HAAO: variants seen among roughly 807,000 people sequenced by gnomAD.
The protein encoded by HAAO is 3-hydroxyanthranilate oxygenase.
HAAO carries 49 observed loss-of-function variants against 46.2 expected under a neutral mutation model. That is an observed-to-expected ratio of 1.06 (90% CI 0.84 to 1.34). HAAO has a LOEUF of 1.34. HAAO is among the 40% of genes most tolerant of loss of function. The pLI is 0.00. For missense variants in HAAO, 408 were observed against 364.5 expected (o/e 1.12, Z -0.97); for synonymous variants, 157 against 145.2 (o/e 1.08, Z -0.58).
intron 1 of HAAO, among the ~76,000 whole-genome samples, chr2:42,791,117 G>C (rs1266324776): frequency 6.6e-6 from 1 of 152,198 alleles, no homozygotes; most frequent in Non-Finnish European, 1.5e-5. Context: ...TTGAGATGTA[G>C]TTAGGTTAGG....
chr2:42,784,177 C>A (rs1333804123), intron 2 of HAAO, among the ~76,000 whole-genome samples: 1 of 152,206 alleles, frequency 6.6e-6, no homozygotes, highest in African/African-American at 2.4e-5. Flanking sequence ...ACCCAGCAGT[C>A]AGGTAGGGAA....
At chr2:42,774,321 T>G (rs1671377210) in intron 4 of HAAO, among the ~76,000 whole-genome samples, 1 of 152,226 alleles carries the variant, frequency 6.6e-6, no homozygotes, top group Non-Finnish European at 1.5e-5. Context: ...GAGGTGCCCC[T>G]GACCTTAGAC....
chr2:42,767,700 T>C, intron 8 of HAAO, 23 bp from the exon 9 acceptor site: 1 of 1,567,710 alleles, frequency 6.4e-7, no homozygotes, highest in Non-Finnish European at 8.7e-7. Flanking sequence ...AGCAGGAGAA[T>C]CAAATGGAGA....
chr2:42,773,825 C>G (rs1158488092), intron 4 of HAAO, among the ~76,000 whole-genome samples: 2 of 152,124 alleles, frequency 1.3e-5, no homozygotes, highest in African/African-American at 4.8e-5. Flanking sequence ...CTCCTGACCT[C>G]GTGATCCACC....
intron 1 of HAAO, among the ~76,000 whole-genome samples, chr2:42,790,095 A>C (rs1464476090): frequency 6.6e-6 from 1 of 152,104 alleles, no homozygotes; most frequent in African/African-American, 2.4e-5. Context: ...TGAGCCCCCA[A>C]ACTAGACTGG....
intron 1 of HAAO, among the ~76,000 whole-genome samples, 168 bp from the exon 2 acceptor site, chr2:42,788,775 G>T (rs188496838): frequency 1.3e-5 from 2 of 152,182 alleles, no homozygotes; most frequent in African/African-American, 4.8e-5. Flanking sequence ...TCATGCCTGC[G>T]TGCATCTAAG....
At chr2:42,774,257 C>G (rs1179269343) in intron 4 of HAAO, among the ~76,000 whole-genome samples, 3 of 152,200 alleles carry the variant, frequency 2.0e-5, no homozygotes, top group Non-Finnish European at 4.4e-5. Context: ...TAACTGAGAC[C>G]TGTCTCAAAT....
At chr2:42,778,566 G>C (rs1467895339) in intron 4 of HAAO, among the ~76,000 whole-genome samples, 1 of 152,124 alleles carries the variant, frequency 6.6e-6, no homozygotes, top group East Asian at 1.9e-4. Context: ...CTGACCTCAT[G>C]ATTTGCCTGT....
intron 7 of HAAO, among the ~76,000 whole-genome samples, chr2:42,768,995 C>G (rs952103792): frequency 1.3e-5 from 2 of 152,222 alleles, no homozygotes; most frequent in Admixed American, 6.5e-5. Flanking sequence ...CCCTTTCTTT[C>G]TTTTACAAAC....
intron 4 of HAAO, among the ~76,000 whole-genome samples, chr2:42,776,772 C>A (rs1671608308): frequency 6.6e-6 from 1 of 151,114 alleles, no homozygotes; most frequent in South Asian, 2.1e-4. Context: ...GCTGGGATTG[C>A]AGGCGCCTGC....
chr2:42,784,041 G>C (rs963677949), intron 2 of HAAO, 174 bp from the exon 3 acceptor site: 1 of 718,154 alleles, frequency 1.4e-6, no homozygotes, highest in African/African-American at 1.9e-5. Context: ...GCATGCCATG[G>C]AGTGCCGGGG....
chr2:42,788,637 T>C (rs1320209780), intron 1 of HAAO, 30 bp from the exon 2 acceptor site: 5 of 1,315,190 alleles, frequency 3.8e-6, no homozygotes, highest in Admixed American at 1.7e-5. Context: ...GGAGACGTTC[T>C]AAACCATCTC....
Position 42,783,735 on chromosome 2 carries a change from C to T in HAAO, c.243+49G>A, listed in dbSNP as rs550329360. On this transcript the variant is annotated intron_variant, in intron 3 of 9. Coordinates refer to ENST00000294973, the MANE Select transcript of HAAO (RefSeq NM_012205.3). ...CAGGATGAGTGGACAGGGCGGATTC[C>T]AGCTGTGGCCGCCTTTCTCTTCCCC... The T allele has an allele frequency of 1.3e-5, 20 of 1,507,586 alleles. No homozygotes were observed. The East Asian group carries it at 2.3e-4, about 18-fold the overall frequency. The allele number at this position is 1,507,586 out of a possible 1,614,324, so 93.4% of individuals were successfully genotyped here.
intron 6 of HAAO, 32 bp from the exon 7 acceptor site, chr2:42,769,890 C>G (rs2104637934): frequency 1.3e-6 from 2 of 1,572,586 alleles, no homozygotes; most frequent in South Asian, 1.2e-5. Context: ...AGTCGGTGTC[C>G]TCAGGACCCA....
At position 42,791,238 on chromosome 2, in the gene HAAO, C is replaced by T. The variant is rs145961302; in HGVS notation, c.80+1219G>A. ...ACACAAGGAGACTGCCTTGTGAAGA[C>T]GAAGGTGGAGGTGGGCGTGGTACAG... On this transcript the variant is annotated intron_variant, in intron 1 of 9. Coordinates refer to ENST00000294973, the MANE Select transcript of HAAO (RefSeq NM_012205.3). Among the ~76,000 whole-genome samples, 40 of 152,018 alleles carry T rather than the reference C, an allele frequency of 2.6e-4. 1 individual carries two copies. The East Asian group carries it at 5.8e-3, about 22-fold the overall frequency.
At position 42,786,009 on chromosome 2, in the gene HAAO, CTGTGTGTGTGTGTGTGTGTGTGTG is replaced by C. The variant is rs10606385; in HGVS notation, c.160-2166_160-2143del. ...CACTCTCCAAGCTGGGAGGAAGCCT[CTGTGTGTGTGTGTGTGTGTGTGTG>C]TGTGTGTGTGTGTGTGTGTGTGTGT... On this transcript the variant is annotated intron_variant, in intron 2 of 9. Transcript: ENST00000294973. 1.9e-3 allele frequency among the ~76,000 whole-genome samples: 203 copies of C among 106,136 alleles called. 1 individual carries two copies. The highest frequency in any genetic ancestry group is 8.7e-3 in the Middle Eastern group (2 of 230). The allele number at this position is 106,136 out of a possible 152,430, so 69.6% of individuals were successfully genotyped here.
intron 4 of HAAO, among the ~76,000 whole-genome samples, chr2:42,781,489 G>A (rs1671994944): frequency 6.6e-6 from 1 of 152,170 alleles, no homozygotes; most frequent in Non-Finnish European, 1.5e-5. Flanking sequence ...CATATCCATG[G>A]CTAGGCTTGG....
chr2:42,767,866 C>A lies in HAAO; in HGVS notation c.693G>T (p.Trp231Cys), dbSNP rs1353902871. The A allele has an allele frequency of 6.2e-7, 1 of 1,613,964 alleles. No homozygotes were observed. The highest frequency in any genetic ancestry group is 1.3e-5 in the African/African-American group (1 of 75,068). The stretch of plus-strand genomic sequence containing the variant: ...GTCCCTGGGCCCCACTTGCCAGCTG[C>A]CACAGCCACACGTCCACATTCTGTC... ...GLRQNVDVWL[W>C]QLEGSSVVTM... The change falls in exon 8 of 10, where the codon TGG (tryptophan) becomes TGT (cysteine). Residue 231 changes from tryptophan to cysteine, a missense_variant. Trp to Cys is a radical substitution (Grantham distance 215, BLOSUM62 -2). Transcript: ENST00000294973.
rs1558656382 is a variant in HAAO at position 42,767,576 on chromosome 2, GCC to G, written c.782+17_782+18del. 1.3e-6 allele frequency: 2 copies of G among 1,582,626 alleles called. No homozygotes were observed. The highest frequency in any genetic ancestry group is 1.7e-6 in the Non-Finnish European group (2 of 1,163,190). Reference sequence around the variant, plus strand: ...TTGGACCCTGAGGATCCCAGGGAAAGCCCTCCCTGCGTACTCACGAGGTCCCA... The same window carrying G: ...TTGGACCCTGAGGATCCCAGGGAAAGCTCCCTGCGTACTCACGAGGTCCCA... On this transcript the variant is annotated intron_variant, in intron 9 of 9. Transcript: ENST00000294973.
Sources: gnomAD v4.1 joint callset for allele counts (sites outside exome capture counted in the v4.1 genomes callset) on GRCh38, gnomAD v4.1.1 for gene constraint, MANE v1.5 for transcripts, NCBI Gene and HGNC (gene_info 2026-07-23, HGNC 2026-07-21) for gene names.